NT5DC1: variants seen among roughly 807,000 people sequenced by gnomAD.
NT5DC1 encodes 5'-nucleotidase domain-containing protein 1.
Under a neutral mutation model 59.4 loss-of-function variants are expected in NT5DC1, and 42 were observed. The observed-to-expected ratio is 0.71, with a 90% confidence interval of 0.55 to 0.92. NT5DC1 has a LOEUF of 0.92. Ranked by LOEUF, NT5DC1 falls within the 40% of genes least tolerant of loss-of-function variation. The pLI is 0.00. For synonymous variants in NT5DC1, 172 were observed against 188.1 expected, an observed-to-expected ratio of 0.91 and a Z score of 0.70; for missense variants, 501 against 537.1, an observed-to-expected ratio of 0.93 and a Z score of 0.66.
intron 1 of NT5DC1, among the ~76,000 whole-genome samples, chr6:116,104,425 A>C (rs2114896506): frequency 6.6e-6 from 1 of 152,154 alleles, no homozygotes; most frequent in African/African-American, 2.4e-5. Flanking sequence ...AACTGGAGAA[A>C]CTCAAAAGTG....
Position 116,219,986 on chromosome 6 carries a change from AAC to A in NT5DC1, c.530-1067_530-1066del, listed in dbSNP as rs1562170500. ...CAAAAAAAAAAAAAAAAAAAAAAAC[AAC>A]TCTTCTTCCTGATGTCCTGATATTC... On this transcript the variant is annotated intron_variant, in intron 6 of 11. Coordinates refer to ENST00000319550, the MANE Select transcript of NT5DC1 (RefSeq NM_152729.3). Among the ~76,000 whole-genome samples the A allele has an allele frequency of 2.6e-3, 158 of 61,510 alleles. 1 individual carries two copies. Among genetic ancestry groups the A allele is most frequent in the African/African-American group, 0.024 (150 of 6,326 alleles). 40.4% of individuals were successfully genotyped at this position (61,510 alleles called of 152,430 possible). A position where few individuals can be genotyped will look rare whatever the true frequency, so the allele number is the denominator to read the frequency against.
intron 6 of NT5DC1, among the ~76,000 whole-genome samples, chr6:116,135,867 A>ATGTGTATATATATATATATGTATGTATG (rs1371997906): frequency 6.0e-5 from 7 of 116,176 alleles, no homozygotes; most frequent in African/African-American, 1.9e-4. Flanking sequence ...ATATATATAT[A>ATGTGTATATATATATATATGTATGTATG]TATATACACA....
chr6:116,215,408 A>G (rs942825155), intron 6 of NT5DC1, among the ~76,000 whole-genome samples: 4 of 152,242 alleles, frequency 2.6e-5, no homozygotes, highest in East Asian at 1.9e-4. Flanking sequence ...AGCTCCTCCA[A>G]TGTTATGCCT....
At chr6:116,129,945 A>C (rs1364904303) in intron 6 of NT5DC1, among the ~76,000 whole-genome samples, 1 of 152,206 alleles carries the variant, frequency 6.6e-6, no homozygotes, top group Non-Finnish European at 1.5e-5. Context: ...TACAGCACAC[A>C]CAAATACATT....
At chr6:116,105,444 G>T (rs529095270) in intron 1 of NT5DC1, among the ~76,000 whole-genome samples, 1 of 152,268 alleles carries the variant, frequency 6.6e-6, no homozygotes, top group Admixed American at 6.5e-5. Context: ...CACTGTGCAG[G>T]TTGACTCAGA....
rs1315721523 is a variant in NT5DC1, at chr6:116,244,861, T to C, written c.*837T>C. On this transcript the variant is annotated 3_prime_UTR_variant, in exon 12 of 12. Transcript: ENST00000319550. The stretch of plus-strand genomic sequence containing the variant: ...TTTTTTCTAATAATGTTAAAGGCTA[T>C]TTAATTTATTTAATCAACTTTAAGC... The C allele has an allele frequency of 6.6e-6, 1 of 152,234 alleles. No homozygotes were observed. The highest frequency in any genetic ancestry group is 1.5e-5 in the Non-Finnish European group (1 of 68,028). The allele number at this position is 152,234 out of a possible 1,614,324, so 9.4% of individuals were successfully genotyped here. A position where few individuals can be genotyped will look rare whatever the true frequency, so the allele number is the denominator to read the frequency against.
intron 6 of NT5DC1, among the ~76,000 whole-genome samples, chr6:116,186,996 G>T (rs777442330): frequency 2.0e-5 from 3 of 152,036 alleles, no homozygotes; most frequent in Non-Finnish European, 4.4e-5. Flanking sequence ...GGTAAACTAT[G>T]TCAGATGGTA....
At chr6:116,234,753 A>G (rs1782083653) in intron 8 of NT5DC1, among the ~76,000 whole-genome samples, 1 of 152,256 alleles carries the variant, frequency 6.6e-6, no homozygotes, top group Admixed American at 6.5e-5. Context: ...ATTTGGGTTT[A>G]TAAACACTGT....
intron 6 of NT5DC1, among the ~76,000 whole-genome samples, chr6:116,202,067 G>A (rs1781360684): frequency 6.6e-6 from 1 of 151,936 alleles, no homozygotes; most frequent in African/African-American, 2.4e-5. Context: ...TGGCTACCGA[G>A]CACTTGAAAT....
At chr6:116,105,506 C>T (rs961340938) in intron 1 of NT5DC1, among the ~76,000 whole-genome samples, 1 of 152,142 alleles carries the variant, frequency 6.6e-6, no homozygotes, top group African/African-American at 2.4e-5. Context: ...AAGAACACTT[C>T]GAGGTAGAAT....
chr6:116,217,072 T>C (rs540674530), intron 6 of NT5DC1, among the ~76,000 whole-genome samples: 5 of 152,290 alleles, frequency 3.3e-5, no homozygotes, highest in African/African-American at 1.2e-4. Context: ...CAAACAGTAG[T>C]GATACAGTTA....
rs1012795476 is a variant in NT5DC1, at chr6:116,104,347, T to C, written c.94-1897T>C. On this transcript the variant is annotated intron_variant, in intron 1 of 11. Coordinates refer to ENST00000319550, the MANE Select transcript of NT5DC1 (RefSeq NM_152729.3). Reference sequence around the variant, plus strand: ...TGTTGGCGTCTCTGATGGAAAGGGCTCCTTTCTTCCAGGAGAATTCAAGTG... The same window carrying C: ...TGTTGGCGTCTCTGATGGAAAGGGCCCCTTTCTTCCAGGAGAATTCAAGTG... Among the ~76,000 whole-genome samples the C allele has an allele frequency of 2.0e-5, 3 of 152,214 alleles. No homozygotes were observed. The East Asian group carries it at 5.8e-4, about 29-fold the overall frequency.
chr6:116,181,895 T>G (rs922677433), intron 6 of NT5DC1, among the ~76,000 whole-genome samples: 2 of 152,096 alleles, frequency 1.3e-5, no homozygotes, highest in African/African-American at 2.4e-5. Flanking sequence ...TTCAATAGGT[T>G]TTTGGGAAAC....
intron 8 of NT5DC1, among the ~76,000 whole-genome samples, chr6:116,224,400 A>G (rs1404666478): frequency 6.6e-6 from 1 of 152,196 alleles, no homozygotes; most frequent in Non-Finnish European, 1.5e-5. Context: ...ATGTGTGAAC[A>G]TGTGAGCACA....
Position 116,244,103 on chromosome 6 carries a change from G to T in NT5DC1, c.*79G>T, listed in dbSNP as rs1272055900. 1.8e-6 allele frequency: 1 copy of T among 544,182 alleles called. No individual in the cohort carries two copies. Among genetic ancestry groups the T allele is most frequent in the Non-Finnish European group, 3.3e-6 (1 of 302,622 alleles). 33.7% of individuals were successfully genotyped at this position (544,182 alleles called of 1,614,324 possible). ...TTAATTTTCAAAAAATACTGTAAAA[G>T]ACTTTAAGGAACAAGTTTTATTGAC... On this transcript the variant is annotated 3_prime_UTR_variant, in exon 12 of 12. Transcript: ENST00000319550.
intron 6 of NT5DC1, among the ~76,000 whole-genome samples, chr6:116,123,307 A>C (rs1325227798): frequency 6.6e-6 from 1 of 152,208 alleles, no homozygotes; most frequent in Non-Finnish European, 1.5e-5. Context: ...ATGGGTCTCA[A>C]CTTCTCAGTG....
intron 6 of NT5DC1, among the ~76,000 whole-genome samples, chr6:116,143,875 G>C (rs185760975): frequency 6.6e-6 from 1 of 152,194 alleles, no homozygotes; most frequent in African/African-American, 2.4e-5. Flanking sequence ...TGGTTGTGTT[G>C]TGTTTTCTCT....
intron 6 of NT5DC1, among the ~76,000 whole-genome samples, chr6:116,175,910 T>C (rs1582853339): frequency 1.3e-5 from 2 of 152,196 alleles, no homozygotes; most frequent in East Asian, 1.9e-4. Flanking sequence ...TGAGTCTGTG[T>C]CTATTGATTA....
intron 6 of NT5DC1, among the ~76,000 whole-genome samples, chr6:116,185,288 T>C (rs947020738): frequency 6.6e-6 from 1 of 152,126 alleles, no homozygotes; most frequent in Non-Finnish European, 1.5e-5. Context: ...TATCATATGG[T>C]CTGTCTTGGA....
Sources: allele counts gnomAD v4.1 joint callset (sites outside exome capture counted in the v4.1 genomes callset), GRCh38; gene constraint gnomAD v4.1.1; transcripts MANE v1.5; gene names NCBI Gene and HGNC (gene_info 2026-07-23, HGNC 2026-07-21).